The following SLC3A2 variants were observed in gnomAD, a reference collection of about 807,000 sequenced individuals.
The protein encoded by SLC3A2 is amino acid transporter heavy chain SLC3A2.
A neutral mutation model predicts 48.5 loss-of-function variants in SLC3A2; 32 were observed. That is an observed-to-expected ratio of 0.66 (90% confidence interval 0.50 to 0.89). The LOEUF is 0.89. Ranked by LOEUF, SLC3A2 falls within the 40% of genes least tolerant of loss-of-function variation. The pLI is 0.00. For synonymous variants in SLC3A2, 277 were observed against 288.8 expected (o/e 0.96, Z 0.41); for missense variants, 587 against 680.7 (o/e 0.86, Z 1.53).
At chr11:62,886,359 G>A (rs1313537219) in intron 7 of SLC3A2, 1 of 151,138 alleles carries the variant, frequency 6.6e-6, no homozygotes, top group Non-Finnish European at 1.5e-5. Context: ...GCATTCACTA[G>A]CTTTAGATAC....
intron 1 of SLC3A2, among the ~76,000 whole-genome samples, chr11:62,874,170 A>G (rs2085547531): frequency 1.3e-5 from 2 of 151,728 alleles, no homozygotes; most frequent in Non-Finnish European, 2.9e-5. Context: ...AGGATGCAGT[A>G]TTGTGTGATC....
intron 7 of SLC3A2, among the ~76,000 whole-genome samples, chr11:62,886,914 A>G (rs1316700885): frequency 6.6e-6 from 1 of 151,556 alleles, no homozygotes; most frequent in African/African-American, 2.4e-5. Context: ...TAATTTTTAA[A>G]ATTTGTAGAG....
At chr11:62,887,269 T>A (rs1413871669) in intron 7 of SLC3A2, among the ~76,000 whole-genome samples, 1 of 152,018 alleles carries the variant, frequency 6.6e-6, no homozygotes, top group Non-Finnish European at 1.5e-5. Context: ...AGAGTAGCCA[T>A]AGGAGACCTG....
chr11:62,885,530 G>A lies in SLC3A2; in HGVS notation c.1065G>A (p.Met355Ile). Residue 355 changes from methionine (M) to isoleucine (I), a missense_variant, in exon 7 of 9, where the codon ATG becomes ATA. Transcript: ENST00000338663. ...PAQLLRLYQL[M>I]LFTLPGTPVF... ...AACTTCTCCGACTCTACCAGCTGAT[G>A]CTCTTCACCCTGCCAGGGACCCCTG... The A allele has an allele frequency of 1.2e-6, 2 of 1,614,204 alleles. No homozygotes were observed. The highest frequency in any genetic ancestry group is 1.7e-6 in the Non-Finnish European group (2 of 1,180,036).
Position 62,871,906 on chromosome 11 carries a change from T to TTTATTA in SLC3A2, c.113-9098_113-9093dup, listed in dbSNP as rs201435681. On this transcript the variant is annotated intron_variant, in intron 1 of 9. Coordinates refer to the SLC3A2 transcript ENST00000377889. ...TTTCTTTATGACATCAAATCTTTAT[T>TTTATTA]TTATTATTATTATTATTATTTTTTG... Among the ~76,000 whole-genome samples the TTTATTA allele has an allele frequency of 6.6e-5, 10 of 151,560 alleles. No homozygotes were observed. The South Asian group carries it at 1.0e-3, about 16-fold the overall frequency.
upstream of SLC3A2, among the ~76,000 whole-genome samples, chr11:62,880,172 G>C (rs574836720): frequency 9.8e-5 from 15 of 152,292 alleles, no homozygotes; most frequent in South Asian, 4.1e-4. Context: ...GGATAAGAAG[G>C]GGGGTGTCTA....
At position 62,881,784 on chromosome 11, in the gene SLC3A2, C is replaced by T. The variant is rs998830518; in HGVS notation, c.425-109C>T. The T allele has an allele frequency of 1.7e-5, 22 of 1,264,758 alleles. No individual in the cohort carries two copies. The highest frequency in any genetic ancestry group is 2.3e-5 in the East Asian group (1 of 42,802). The allele number at this position is 1,264,758 out of a possible 1,614,324, so 78.3% of individuals were successfully genotyped here. A position where few individuals can be genotyped will look rare whatever the true frequency, so the allele number is the denominator to read the frequency against. On this transcript the variant is annotated intron_variant, in intron 1 of 8. Transcript: ENST00000338663. The surrounding 1 kb of genome is among the most constrained non-coding windows in gnomAD (Gnocchi z 4.0). ...GTGATTCAGCCTTGCCTCCCTCTCTCCCCCTTTGCCCCCTCCCCGTCCCAC... is the reference window on the plus strand; with the variant it reads ...GTGATTCAGCCTTGCCTCCCTCTCTTCCCCTTTGCCCCCTCCCCGTCCCAC...
intron 1 of SLC3A2, among the ~76,000 whole-genome samples, chr11:62,865,888 C>T (rs1476015865): frequency 5.9e-5 from 9 of 152,052 alleles, no homozygotes; most frequent in South Asian, 2.1e-4. Context: ...GATACTTCCC[C>T]GTATATCTTG....
chr11:62,884,018 T>A (rs1455224699), intron 3 of SLC3A2: 1 of 457,750 alleles, frequency 2.2e-6, no homozygotes, highest in Admixed American at 2.3e-5. Context: ...GGGGGGATCT[T>A]GACTGACATT....
chr11:62,884,137 T>G, intron 3 of SLC3A2: 1 of 516,440 alleles, frequency 1.9e-6, no homozygotes, highest in Non-Finnish European at 3.7e-6. Context: ...CAATGCTAAG[T>G]GTTAAACGAA....
chr11:62,866,844 A>G (rs1276034343), intron 1 of SLC3A2, among the ~76,000 whole-genome samples: 2 of 152,188 alleles, frequency 1.3e-5, no homozygotes, highest in Non-Finnish European at 2.9e-5. Context: ...TTACAAGTCA[A>G]TATAGTATTG....
At chr11:62,880,725 C>A (rs917308799), upstream of SLC3A2, 2 of 373,820 alleles carry the variant, frequency 5.4e-6, no homozygotes, top group African/African-American at 2.1e-5. Context: ...TAGGGTTAGA[C>A]AGGTTGGAGA....
At chr11:62,869,417 T>G (rs57119186) in intron 1 of SLC3A2, among the ~76,000 whole-genome samples, 2 of 146,454 alleles carry the variant, frequency 1.4e-5, no homozygotes, top group Non-Finnish European at 3.0e-5. Context: ...CCAGCTACTC[T>G]GGAGGCTGAG....
chr11:62,884,060 C>T (rs1565255039), intron 3 of SLC3A2: 1 of 461,662 alleles, frequency 2.2e-6, no homozygotes, highest in Non-Finnish European at 4.3e-6. Context: ...CTGATTATGA[C>T]TGTGGACGCG....
intron 1 of SLC3A2, among the ~76,000 whole-genome samples, chr11:62,872,136 C>T (rs1170655047): frequency 3.9e-5 from 6 of 152,024 alleles, no homozygotes; most frequent in Non-Finnish European, 8.8e-5. Context: ...AGGATGGTCT[C>T]GATCTCCTGA....
intron 3 of SLC3A2, chr11:62,883,881 A>G: frequency 2.3e-6 from 1 of 427,058 alleles, no homozygotes; most frequent in East Asian, 7.1e-5. Flanking sequence ...TCCATTCAGC[A>G]GCACTGGCCT....
intron 1 of SLC3A2, among the ~76,000 whole-genome samples, chr11:62,861,448 C>G (rs1486237593): frequency 6.6e-6 from 1 of 152,118 alleles, no homozygotes; most frequent in East Asian, 1.9e-4. Context: ...TTTGAATAGA[C>G]AGAGGTCTTG....
chr11:62,880,915 G>C lies in SLC3A2; in HGVS notation c.-109G>C. On this transcript the variant is annotated 5_prime_UTR_variant, in exon 1 of 9. Transcript: ENST00000338663. The stretch of plus-strand genomic sequence containing the variant: ...CTGAGCAGATGCAGTAGCCGAAACT[G>C]CGCGGAGGCACAGAGGCCGGGGAGA... 3 of 1,457,976 alleles carry C rather than the reference G, an allele frequency of 2.1e-6. No individual in the cohort carries two copies. Among genetic ancestry groups the C allele is most frequent in the Admixed American group, 2.9e-5 (1 of 34,974 alleles). The allele number at this position is 1,457,976 out of a possible 1,614,324, so 90.3% of individuals were successfully genotyped here.
chr11:62,878,074 G>T (rs181723568), upstream of SLC3A2, among the ~76,000 whole-genome samples: 3 of 151,854 alleles, frequency 2.0e-5, no homozygotes, highest in East Asian at 5.8e-4. Context: ...AAGAAGAATC[G>T]CTTGAACCTG....
Sources: gnomAD v4.1 joint callset for allele counts (sites outside exome capture counted in the v4.1 genomes callset) on GRCh38, gnomAD v4.1.1 for gene constraint, Gnocchi (gnomAD v3.1) non-coding constraint, MANE v1.5 for transcripts, NCBI Gene and HGNC (gene_info 2026-07-23, HGNC 2026-07-21) for gene names.